The following TENM3 variants were observed in gnomAD, a reference collection of about 807,000 sequenced individuals.
TENM3 encodes the protein teneurin transmembrane protein 3.
In TENM3, 63 loss-of-function variants were observed where a neutral mutation model predicts 255.1. The observed-to-expected ratio is 0.25, with a 90% confidence interval of 0.20 to 0.30. TENM3 has a LOEUF of 0.30. Ranked by LOEUF, TENM3 falls within the 10% of genes least tolerant of loss-of-function variation. TENM3 has a pLI of 1.00. For missense variants in TENM3, 2,929 were observed against 3,461.1 expected (o/e 0.85, Z 3.86); for synonymous variants, 1,306 against 1,322.3 (o/e 0.99, Z 0.27).
At chr4:182,642,909 T>A (rs1418172990) in intron 5 of TENM3, among the ~76,000 whole-genome samples, 1 of 152,194 alleles carries the variant, frequency 6.6e-6, no homozygotes, top group South Asian at 2.1e-4. Flanking sequence ...GAAATAATAT[T>A]AGCCTTAAAA....
At chr4:181,828,750 G>A in the TENM3 span, among the ~76,000 whole-genome samples, 11 of 152,018 alleles carry the variant, frequency 7.2e-5, no homozygotes, top group East Asian at 1.2e-3. Context: ...CACCACACCC[G>A]GCTAATTTTT....
At chr4:181,911,625 G>C in the TENM3 span, among the ~76,000 whole-genome samples, 6 of 152,306 alleles carry the variant, frequency 3.9e-5, no homozygotes, top group East Asian at 1.2e-3. Context: ...GAACAGCTGA[G>C]TCAGTGCAGT....
At chr4:182,798,502 T>A (rs1336966533) in intron 27 of TENM3, among the ~76,000 whole-genome samples, 1 of 152,230 alleles carries the variant, frequency 6.6e-6, no homozygotes, top group African/African-American at 2.4e-5. Context: ...GCTATGATGT[T>A]CACACAAGGA....
chr4:182,451,401 T>C lies in TENM3; in HGVS notation c.511+104472T>C, dbSNP rs114625653. Among the ~76,000 whole-genome samples the C allele has an allele frequency of 6.0e-3, 913 of 152,302 alleles. 10 individuals are homozygous for C. Among genetic ancestry groups the C allele is most frequent in the African/African-American group, 0.021 (854 of 41,566 alleles). On this transcript the variant is annotated intron_variant, in intron 3 of 27. Coordinates refer to ENST00000511685, the MANE Select transcript of TENM3 (RefSeq NM_001080477.4). ...TCTAAACATTTAAACTAAAGCTTTT[T>C]GTGGCTTCTATTTACTGTTAGTTTT...
At chr4:182,064,402 C>T in the TENM3 span, among the ~76,000 whole-genome samples, 1 of 151,968 alleles carries the variant, frequency 6.6e-6, no homozygotes, top group Non-Finnish European at 1.5e-5. Context: ...CATGGTGAAA[C>T]CCCGTCTCTA....
At chr4:181,969,280 T>C in the TENM3 span, among the ~76,000 whole-genome samples, 1 of 152,186 alleles carries the variant, frequency 6.6e-6, no homozygotes, top group Non-Finnish European at 1.5e-5. Context: ...ATTCATGTTT[T>C]ATAACAACTC....
chr4:182,381,483 A>C (rs2150922851), intron 3 of TENM3, among the ~76,000 whole-genome samples: 1 of 152,158 alleles, frequency 6.6e-6, no homozygotes, highest in African/African-American at 2.4e-5. Context: ...AGGGCCTGAG[A>C]TTTGAATAGA....
chr4:182,392,039 A>G (rs1015552149), intron 3 of TENM3, among the ~76,000 whole-genome samples: 3 of 152,186 alleles, frequency 2.0e-5, no homozygotes, highest in African/African-American at 7.2e-5. Context: ...TTTTTAGTTA[A>G]CTTTACTTAT....
At position 182,760,124 on chromosome 4, in the gene TENM3, G is replaced by A. The variant is rs966086509; in HGVS notation, c.4892+4865G>A. Among the ~76,000 whole-genome samples, 4 of 152,080 alleles carry A rather than the reference G, an allele frequency of 2.6e-5. No homozygotes were observed. In the East Asian group the frequency reaches 5.8e-4, roughly 22 times the overall value. On this transcript the variant is annotated intron_variant, in intron 22 of 27. Transcript: ENST00000511685. ...TGGGCTGTAGAAAGGACCCCAACTA[G>A]CTAACAGGGTCCCCTTGTATGAAGA...
the TENM3 span, among the ~76,000 whole-genome samples, chr4:181,974,292 G>T: frequency 2.0e-5 from 3 of 152,230 alleles, no homozygotes. Flanking sequence ...TGCCGGCCAG[G>T]TGCAGTGGCT....
chr4:182,134,621 T>G, the TENM3 span, among the ~76,000 whole-genome samples: 1 of 152,154 alleles, frequency 6.6e-6, no homozygotes, highest in Non-Finnish European at 1.5e-5. Flanking sequence ...AAGAAAGAAG[T>G]GTTAGGTAAA....
At chr4:181,646,799 TA>T in the TENM3 span, among the ~76,000 whole-genome samples, 2 of 152,134 alleles carry the variant, frequency 1.3e-5, no homozygotes, top group Non-Finnish European at 2.9e-5. Context: ...ACAGTTTTTA[TA>T]ATGCTTTATG....
chr4:182,624,534 C>T (rs1258774784), intron 4 of TENM3, among the ~76,000 whole-genome samples: 1 of 152,180 alleles, frequency 6.6e-6, no homozygotes, highest in Non-Finnish European at 1.5e-5. Flanking sequence ...GCAGGCTTCT[C>T]TCCCTGGGCC....
chr4:182,620,937 T>C lies in TENM3; in HGVS notation c.750-7714T>C, dbSNP rs561797314. On this transcript the variant is annotated intron_variant, in intron 4 of 27. Coordinates refer to ENST00000511685, the MANE Select transcript of TENM3 (RefSeq NM_001080477.4). ...TATCACGCCTGTAATCCCAGCACTT[T>C]GGGAGGCCAAGGCGGGTGGATCCCC... is the stretch of plus-strand genomic sequence containing the variant. 9.2e-5 allele frequency among the ~76,000 whole-genome samples: 14 copies of C among 152,268 alleles called. No individual in the cohort carries two copies. The South Asian group carries it at 2.7e-3, about 29-fold the overall frequency.
the TENM3 span, among the ~76,000 whole-genome samples, chr4:181,868,487 C>T: frequency 6.6e-6 from 1 of 152,156 alleles, no homozygotes; most frequent in Non-Finnish European, 1.5e-5. Context: ...CTCACCTTTA[C>T]TCTCAACCCC....
intron 1 of TENM3, among the ~76,000 whole-genome samples, chr4:182,147,820 A>G (rs962107043): frequency 6.6e-6 from 1 of 152,166 alleles, no homozygotes; most frequent in Non-Finnish European, 1.5e-5. Flanking sequence ...GTAAAGTGGA[A>G]TGATAGCCCG....
chr4:182,239,956 T>C (rs1214349668), upstream of TENM3, among the ~76,000 whole-genome samples: 1 of 152,132 alleles, frequency 6.6e-6, no homozygotes, highest in Non-Finnish European at 1.5e-5. Context: ...GAGAAATAGA[T>C]TCAGGAAGAA....
chr4:182,288,684 A>T (rs1179991510), intron 1 of TENM3, among the ~76,000 whole-genome samples: 4 of 152,136 alleles, frequency 2.6e-5, no homozygotes, highest in Non-Finnish European at 5.9e-5. Flanking sequence ...TTCAGACTGG[A>T]GTGACTTCTC....
At chr4:182,536,791 T>A (rs1314961282) in intron 3 of TENM3, among the ~76,000 whole-genome samples, 1 of 152,196 alleles carries the variant, frequency 6.6e-6, no homozygotes, top group African/African-American at 2.4e-5. Context: ...CCCATATCCA[T>A]GAAAATCTCA....
Sources: allele counts gnomAD v4.1 joint callset (sites outside exome capture counted in the v4.1 genomes callset), GRCh38; gene constraint gnomAD v4.1.1; transcripts MANE v1.5; gene names NCBI Gene and HGNC (gene_info 2026-07-23, HGNC 2026-07-21).